The following CFAP47 variants were observed in gnomAD, a reference collection of about 807,000 sequenced individuals.
CFAP47 encodes cilia and flagella associated protein 47, also known as cilia- and flagella-associated protein 47.
Under a neutral mutation model 148.1 loss-of-function variants are expected in CFAP47, and 29 were observed. The ratio of observed to expected loss-of-function variants is 0.20; its 90% CI spans 0.15 to 0.27. The LOEUF is 0.27. Ranked by LOEUF, CFAP47 falls within the 10% of genes least tolerant of loss-of-function variation. The pLI is 1.00. For synonymous variants in CFAP47, 664 were observed against 577.3 expected (o/e 1.15, Z -2.15); for missense variants, 1,872 against 1,697.5 (o/e 1.10, Z -1.81).
Position 36,348,277 on chromosome X carries a change from A to G in CFAP47, c.8592A>G (p.Ile2864Met). 9.9e-7 allele frequency: 1 copy of G among 1,011,157 alleles called. No individual in the cohort carries two copies. The highest frequency in any genetic ancestry group is 4.1e-5 in the East Asian group (1 of 24,466). 83.3% of individuals were successfully genotyped at this position (1,011,157 alleles called of 1,213,427 possible). A position where few individuals can be genotyped will look rare whatever the true frequency, so the allele number is the denominator to read the frequency against. ...WPIDNFDELD[I>M]KFKSIVGIDS... ...TTGACAATTTTGATGAGTTGGATATAAAATTTAAAAGGTAACATTTAAATA... is the reference window on the plus strand; with the variant it reads ...TTGACAATTTTGATGAGTTGGATATGAAATTTAAAAGGTAACATTTAAATA... The change falls in exon 58 of 64, where the codon ATA becomes ATG. Residue 2864 changes from isoleucine to methionine, a missense_variant. By Grantham distance (10) the Ile-to-Met change is conservative (BLOSUM62 1). Coordinates refer to ENST00000378653, the MANE Select transcript of CFAP47 (RefSeq NM_001304548.2).
At chrX:36,334,962 A>G (rs1941592775) in intron 57 of CFAP47, among the ~76,000 whole-genome samples, 1 of 110,838 alleles carries the variant, frequency 9.0e-6, no homozygotes, top group African/African-American at 3.3e-5. Flanking sequence ...CTCATACCAT[A>G]GGTGATCTCA....
At chrX:36,281,595 T>C (rs1003335650) in intron 50 of CFAP47, among the ~76,000 whole-genome samples, 2 of 112,323 alleles carry the variant, frequency 1.8e-5, no homozygotes, top group African/African-American at 6.5e-5. Flanking sequence ...CTTCAACTCA[T>C]TGGAGGAGGC....
intron 4 of CFAP47, among the ~76,000 whole-genome samples, chrX:35,950,903 A>G (rs1936153118): frequency 2.7e-5 from 3 of 111,660 alleles, no homozygotes; most frequent in African/African-American, 9.8e-5. Context: ...TTTCCTGAAG[A>G]CAGTGAATTA....
chrX:35,953,830 G>GA, intron 7 of CFAP47, 111 bp downstream of exon 7: 20 of 542,266 alleles, frequency 3.7e-5, no homozygotes, highest in Non-Finnish European at 4.8e-5. Context: ...TTATTGAATA[G>GA]AAAAAAAAGC....
intron 2 of CFAP47, among the ~76,000 whole-genome samples, chrX:35,935,032 G>A (rs1935889335): frequency 9.0e-6 from 1 of 111,113 alleles, no homozygotes; most frequent in Non-Finnish European, 1.9e-5. Context: ...TGGAGTTGGG[G>A]AAAGGGTTGG....
At chrX:35,954,849 A>G (rs752494077) in intron 7 of CFAP47, among the ~76,000 whole-genome samples, 11 of 111,966 alleles carry the variant, frequency 9.8e-5, no homozygotes, top group African/African-American at 3.2e-4. Flanking sequence ...TCCCACAATG[A>G]CTGAGTGAAA....
chrX:36,042,090 T>C (rs1937412983), intron 25 of CFAP47, among the ~76,000 whole-genome samples: 1 of 111,256 alleles, frequency 9.0e-6, no homozygotes, highest in African/African-American at 3.3e-5. Flanking sequence ...AATAAAGGTA[T>C]GTGATATAAT....
intron 39 of CFAP47, among the ~76,000 whole-genome samples, chrX:36,175,751 T>G (rs1327839784): frequency 8.9e-6 from 1 of 112,869 alleles, no homozygotes; most frequent in Non-Finnish European, 1.9e-5. Flanking sequence ...TGCTGTCTTT[T>G]TGTTTGTCTG....
chrX:35,924,551 G>A (rs1030360926), intron 1 of CFAP47, among the ~76,000 whole-genome samples: 1 of 99,942 alleles, frequency 1.0e-5, no homozygotes, highest in Non-Finnish European at 2.0e-5. Flanking sequence ...ACCTATATGT[G>A]TATATATGCG....
rs1433929186 is a variant in CFAP47, at chrX:36,025,546, C to T, written c.3557-5707C>T. Among the ~76,000 whole-genome samples the T allele has an allele frequency of 2.8e-4, 31 of 110,759 alleles. 2 individuals are homozygous for T. Among genetic ancestry groups the T allele is most frequent in the Non-Finnish European group, 7.6e-5 (4 of 52,965 alleles). Reference sequence around the variant, plus strand: ...GACCCAGCTACTCAGGAGGCTGGGGCGCGAGTATCTCTTGAACCTAGTGGT... The same window carrying T: ...GACCCAGCTACTCAGGAGGCTGGGGTGCGAGTATCTCTTGAACCTAGTGGT... On this transcript the variant is annotated intron_variant, in intron 22 of 63. Transcript: ENST00000378653.
intron 32 of CFAP47, among the ~76,000 whole-genome samples, chrX:36,101,907 A>G (rs1270677343): frequency 8.9e-6 from 1 of 111,776 alleles, no homozygotes; most frequent in Non-Finnish European, 1.9e-5. Context: ...ACAATAAGCC[A>G]AATATAATAG....
intron 45 of CFAP47, among the ~76,000 whole-genome samples, chrX:36,223,482 A>C (rs782770353): frequency 1.3e-4 from 14 of 111,124 alleles, no homozygotes; most frequent in Admixed American, 1.3e-3. Context: ...TCATTTTCTG[A>C]ATTAAAAGCT....
chrX:36,220,051 C>T (rs1365777687), intron 45 of CFAP47, among the ~76,000 whole-genome samples: 1 of 111,426 alleles, frequency 9.0e-6, no homozygotes, highest in East Asian at 2.8e-4. Flanking sequence ...TTTGAATGTT[C>T]CAAAACCCCA....
intron 39 of CFAP47, among the ~76,000 whole-genome samples, chrX:36,175,981 G>C (rs916146940): frequency 1.8e-5 from 2 of 112,522 alleles, no homozygotes; most frequent in Admixed American, 1.9e-4. Flanking sequence ...CTCCGAGCCA[G>C]GTGCGGGATA....
chrX:35,967,929 TTAC>T (rs1936433254), intron 10 of CFAP47, 97 bp downstream of exon 10: 1 of 311,450 alleles, frequency 3.2e-6, no homozygotes, highest in Admixed American at 5.9e-5. Context: ...ACACTAATGA[TTAC>T]AATAATAATA....
chrX:36,202,375 C>T (rs782788226), intron 44 of CFAP47, among the ~76,000 whole-genome samples: 3 of 111,381 alleles, frequency 2.7e-5, no homozygotes, highest in South Asian at 3.8e-4. Flanking sequence ...CTACATGACC[C>T]GTCATGTAGG....
At chrX:36,322,228 C>A (rs369562407) in intron 57 of CFAP47, among the ~76,000 whole-genome samples, 1 of 111,082 alleles carries the variant, frequency 9.0e-6, no homozygotes. Flanking sequence ...ACAGTTTAAA[C>A]CCCATGGTTT....
intron 44 of CFAP47, among the ~76,000 whole-genome samples, chrX:36,204,642 A>G (rs1432157892): frequency 1.8e-5 from 2 of 111,761 alleles, no homozygotes; most frequent in Non-Finnish European, 3.8e-5. Context: ...ACAGGTTTCA[A>G]CTAAAGGAGA....
rs188088611 is a variant in CFAP47 at position 36,125,262 on chromosome X, A to C, written c.5321-12696A>C. 2.4e-4 allele frequency among the ~76,000 whole-genome samples: 27 copies of C among 111,722 alleles called. No individual in the cohort carries two copies. In the East Asian group the frequency reaches 6.5e-3, roughly 27 times the overall value. ...CAATTTATATGTTTAGCACTGTTCT[A>C]GGGATTAGAGATGTAGTAGTGAACA... On this transcript the variant is annotated intron_variant, in intron 33 of 63. Coordinates refer to ENST00000378653, the MANE Select transcript of CFAP47 (RefSeq NM_001304548.2).
Sources: gnomAD v4.1 joint callset for allele counts (sites outside exome capture counted in the v4.1 genomes callset) on GRCh38, gnomAD v4.1.1 for gene constraint, MANE v1.5 for transcripts, NCBI Gene and HGNC (gene_info 2026-07-23, HGNC 2026-07-21) for gene names.